Variants in VTI1B observed in about 807,000 individuals in gnomAD.
The protein encoded by VTI1B is vesicle transport through interaction with t-SNAREs homolog 1B.
In VTI1B, 18 loss-of-function variants were observed where a neutral mutation model predicts 28.6. The observed-to-expected ratio is 0.63, with a 90% CI of 0.43 to 0.93. The LOEUF is 0.93. VTI1B is among the 40% of genes least tolerant of loss of function. The pLI is 0.00. For synonymous variants in VTI1B, 100 were observed against 107.9 expected, an observed-to-expected ratio of 0.93 and a Z score of 0.46; for missense variants, 283 against 297.0, an observed-to-expected ratio of 0.95 and a Z score of 0.35.
At chr14:67,653,591 T>A (rs1161014855) in intron 4 of VTI1B, 93 bp from the exon 5 acceptor site, 2 of 1,143,896 alleles carry the variant, frequency 1.7e-6, no homozygotes, top group East Asian at 2.5e-5. Context: ...TTAAGGGATA[T>A]ATGTTGAAAA....
At chr14:67,671,676 G>C (rs2037466871) in intron 1 of VTI1B, among the ~76,000 whole-genome samples, 1 of 152,224 alleles carries the variant, frequency 6.6e-6, no homozygotes, top group African/African-American at 2.4e-5. Flanking sequence ...CTGAGTCTGG[G>C]TAATTTATAA....
intron 1 of VTI1B, among the ~76,000 whole-genome samples, chr14:67,663,875 A>G (rs2037369967): frequency 6.6e-6 from 1 of 152,180 alleles, no homozygotes; most frequent in South Asian, 2.1e-4. Context: ...GTAAACTTAG[A>G]TAATTTCCTT....
At chr14:67,668,804 T>G (rs529215662) in intron 1 of VTI1B, among the ~76,000 whole-genome samples, 1 of 152,226 alleles carries the variant, frequency 6.6e-6, no homozygotes, top group Non-Finnish European at 1.5e-5. Context: ...CCTGAGAATT[T>G]GCATTTCTAA....
At chr14:67,665,025 C>A (rs1041250089) in intron 1 of VTI1B, among the ~76,000 whole-genome samples, 13 of 152,146 alleles carry the variant, frequency 8.5e-5, no homozygotes, top group African/African-American at 2.9e-4. Flanking sequence ...ACCACCACAA[C>A]CAGATAATTT....
At chr14:67,673,905 C>A (rs1489818384) in intron 1 of VTI1B, among the ~76,000 whole-genome samples, 1 of 152,194 alleles carries the variant, frequency 6.6e-6, no homozygotes, top group Non-Finnish European at 1.5e-5. Context: ...TAAAGGCCAG[C>A]TCTCTACCCT....
chr14:67,674,570 C>A lies in VTI1B; in HGVS notation c.-81G>T. On this transcript the variant is annotated 5_prime_UTR_variant, in exon 1 of 6. Transcript: ENST00000554659. ...CTAGCCCGGCGGTCAGCCGCCCAGC[C>A]CAGTGGCCATAACGGCGACCGCCGC... is the stretch of plus-strand genomic sequence containing the variant. 1 of 1,264,264 alleles carries A rather than the reference C, an allele frequency of 7.9e-7. No individual in the cohort carries two copies. The highest frequency in any genetic ancestry group is 1.6e-5 in the South Asian group (1 of 60,826). 78.3% of individuals were successfully genotyped at this position (1,264,264 alleles called of 1,614,324 possible).
chr14:67,659,142 G>A (rs1351540458), intron 3 of VTI1B, among the ~76,000 whole-genome samples: 2 of 152,194 alleles, frequency 1.3e-5, no homozygotes, highest in African/African-American at 4.8e-5. Context: ...TCAGAATCCT[G>A]AAAGCTAGAG....
In VTI1B at chr14:67,651,032, A is replaced by G; in HGVS notation, c.*353T>C. ...GGGTCAATACTGCCTTAATGAGAAC[A>G]TTTACACATTCTCACAATTGTAAAG... On this transcript the variant is annotated 3_prime_UTR_variant, in exon 6 of 6. Coordinates refer to ENST00000554659, the MANE Select transcript of VTI1B (RefSeq NM_006370.3). 8.8e-7 allele frequency: 1 copy of G among 1,130,936 alleles called. No homozygotes were observed. The highest frequency in any genetic ancestry group is 2.5e-5 in the East Asian group (1 of 39,580). The allele number at this position is 1,130,936 out of a possible 1,614,324, so 70.1% of individuals were successfully genotyped here. A position where few individuals can be genotyped will look rare whatever the true frequency, so the allele number is the denominator to read the frequency against.
At chr14:67,655,786 G>C (rs10150344) in intron 4 of VTI1B, among the ~76,000 whole-genome samples, 1,549 of 152,326 alleles carry the variant, frequency 0.01, 34 homozygotes, top group African/African-American at 0.036. Flanking sequence ...TTGCCAAAGA[G>C]AGAATGCAGC....
intron 1 of VTI1B, among the ~76,000 whole-genome samples, chr14:67,668,669 G>C (rs912074605): frequency 6.0e-5 from 9 of 149,298 alleles, no homozygotes; most frequent in African/African-American, 2.2e-4. Flanking sequence ...GTGAAAAAAA[G>C]ACAACATTGA....
intron 1 of VTI1B, among the ~76,000 whole-genome samples, chr14:67,669,551 GCCA>G (rs147240406): frequency 0.13 from 19,352 of 151,884 alleles, 1,292 homozygotes; most frequent in East Asian, 0.21. Context: ...ACAGGCACGA[GCCA>G]CCACACCTGG....
At position 67,662,896 on chromosome 14, in the gene VTI1B, C is replaced by CT. The variant is rs768467964; in HGVS notation, c.116-362dup. Reference sequence around the variant, plus strand: ...CCAGCCTGGGCAATAGAGCAAGACTCTGTCTCAAAAAAAAAAAAAAAAAAA... The same window carrying CT: ...CCAGCCTGGGCAATAGAGCAAGACTCTTGTCTCAAAAAAAAAAAAAAAAAAA... On this transcript the variant is annotated intron_variant, in intron 1 of 5. Transcript: ENST00000554659. 2.9e-4 allele frequency: 313 copies of CT among 1,091,476 alleles called. 1 individual carries two copies. Among genetic ancestry groups the CT allele is most frequent in the Non-Finnish European group, 3.3e-4 (296 of 894,602 alleles). 67.6% of individuals were successfully genotyped at this position (1,091,476 alleles called of 1,614,324 possible).
rs1183961809 is a variant in VTI1B, at chr14:67,659,600, G to C, written c.366+131C>G. 7.5e-6 allele frequency: 7 copies of C among 927,852 alleles called. No individual in the cohort carries two copies. The East Asian group carries it at 2.0e-4, about 26-fold the overall frequency. The allele number at this position is 927,852 out of a possible 1,614,324, so 57.5% of individuals were successfully genotyped here. A position where few individuals can be genotyped will look rare whatever the true frequency, so the allele number is the denominator to read the frequency against. ...AACAGGAACTGGATGCAGAAAAGAG[G>C]ATAAGGGTGAAAAAAATGAAACAAG... is the stretch of plus-strand genomic sequence containing the variant. On this transcript the variant is annotated intron_variant, in intron 3 of 5. Transcript: ENST00000554659.
chr14:67,650,270 G>T lies in VTI1B; in HGVS notation c.*1115C>A. On this transcript the variant is annotated 3_prime_UTR_variant, in exon 6 of 6. Coordinates refer to ENST00000554659, the MANE Select transcript of VTI1B (RefSeq NM_006370.3). ...ATAACACATTAGAGTTCAAAAGTGG[G>T]AATGCAGTTTGGCTAGTGCAAGTGG... The T allele has an allele frequency of 4.6e-6, 1 of 215,672 alleles. No individual in the cohort carries two copies. The highest frequency in any genetic ancestry group is 9.4e-6 in the Non-Finnish European group (1 of 106,898). The allele number at this position is 215,672 out of a possible 1,614,324, so 13.4% of individuals were successfully genotyped here.
chr14:67,654,444 T>A (rs1463548983), intron 4 of VTI1B, among the ~76,000 whole-genome samples: 1 of 152,154 alleles, frequency 6.6e-6, no homozygotes, highest in African/African-American at 2.4e-5. Context: ...CTCCTTGGCT[T>A]TTAAATTCAA....
At position 67,648,346 on chromosome 14, in the gene VTI1B, T is replaced by C. The variant is rs1426392464; in HGVS notation, c.*3039A>G. The C allele has an allele frequency of 2.2e-5, 16 of 723,386 alleles. No homozygotes were observed. In the South Asian group the frequency reaches 3.6e-4, roughly 16 times the overall value. 44.8% of individuals were successfully genotyped at this position (723,386 alleles called of 1,614,324 possible). A position where few individuals can be genotyped will look rare whatever the true frequency, so the allele number is the denominator to read the frequency against. On this transcript the variant is annotated 3_prime_UTR_variant, in exon 6 of 6. Transcript: ENST00000554659. ...TATGGCCATGCTAATAAAAAGGATA[T>C]AGTCCTTTAGAGTCATGCTTGGACA...
At chr14:67,660,313 A>T (rs1296876318) in intron 2 of VTI1B, 1 of 157,336 alleles carries the variant, frequency 6.4e-6, no homozygotes, top group Non-Finnish European at 1.4e-5. Flanking sequence ...GGCCAGGCAC[A>T]GTGGCTCAAA....
At chr14:67,662,944 T>C in intron 1 of VTI1B, 4 of 1,289,392 alleles carry the variant, frequency 3.1e-6, no homozygotes, top group Non-Finnish European at 3.9e-6. Flanking sequence ...ATAGTGACTC[T>C]CTGAAACCCC....
intron 2 of VTI1B, among the ~76,000 whole-genome samples, chr14:67,661,803 G>C: frequency 6.6e-6 from 1 of 151,926 alleles, no homozygotes; most frequent in South Asian, 2.1e-4. Context: ...CAAAGTGTTG[G>C]GATTGCAAGC....
Sources: gnomAD v4.1 joint callset for allele counts (sites outside exome capture counted in the v4.1 genomes callset) on GRCh38, gnomAD v4.1.1 for gene constraint, MANE v1.5 for transcripts, NCBI Gene and HGNC (gene_info 2026-07-23, HGNC 2026-07-21) for gene names.